The following RIMS2 variants were observed in gnomAD, a reference collection of about 807,000 sequenced individuals.
RIMS2 encodes the protein regulating synaptic membrane exocytosis 2, also known as regulating synaptic membrane exocytosis protein 2.
A neutral mutation model predicts 174.4 loss-of-function variants in RIMS2; 59 were observed. The observed-to-expected ratio is 0.34, with a 90% CI of 0.27 to 0.42. The LOEUF (loss-of-function observed/expected upper bound fraction) is 0.42, where lower values mean the gene tolerates loss of function less well. Among genes scored for constraint, RIMS2 ranks in the 10% least tolerant of loss-of-function variants. RIMS2 has a pLI of 1.00. For synonymous variants in RIMS2, 606 were observed against 572.5 expected (o/e 1.06, Z -0.84); for missense variants, 1,620 against 1,666.3 (o/e 0.97, Z 0.48).
intron 19 of RIMS2, among the ~76,000 whole-genome samples, chr8:104,242,160 CCTT>C (rs1288460753): frequency 6.6e-6 from 1 of 151,970 alleles, no homozygotes; most frequent in Non-Finnish European, 1.5e-5. Context: ...TTTCATTTCT[CCTT>C]AACATTCTCC....
At chr8:103,804,411 G>T (rs956586946) in intron 3 of RIMS2, among the ~76,000 whole-genome samples, 3 of 152,182 alleles carry the variant, frequency 2.0e-5, no homozygotes, top group African/African-American at 7.2e-5. Flanking sequence ...TAAATTTTCC[G>T]TAGTCTCCTC....
intron 17 of RIMS2, among the ~76,000 whole-genome samples, chr8:104,009,153 T>A (rs900922315): frequency 6.6e-6 from 1 of 151,960 alleles, no homozygotes; most frequent in Non-Finnish European, 1.5e-5. Context: ...ATATGCTATA[T>A]TAATTATTCT....
chr8:103,746,287 A>G (rs1444680408), intron 2 of RIMS2, among the ~76,000 whole-genome samples: 1 of 152,156 alleles, frequency 6.6e-6, no homozygotes, highest in East Asian at 1.9e-4. Context: ...TCTCAATTCT[A>G]TTCCCTTGAC....
intron 19 of RIMS2, among the ~76,000 whole-genome samples, chr8:104,237,318 C>G (rs2099263796): frequency 6.6e-6 from 1 of 152,120 alleles, no homozygotes; most frequent in Non-Finnish European, 1.5e-5. Context: ...TAACAAACAA[C>G]TAAAAATATT....
chr8:103,883,425 A>G (rs566532726), intron 3 of RIMS2, among the ~76,000 whole-genome samples: 6 of 151,790 alleles, frequency 4.0e-5, no homozygotes, highest in Non-Finnish European at 8.8e-5. Context: ...TGCACAGTGC[A>G]CACACACATA....
At chr8:103,513,085 T>C (rs1457608709) in intron 1 of RIMS2, among the ~76,000 whole-genome samples, 2 of 152,210 alleles carry the variant, frequency 1.3e-5, no homozygotes, top group Admixed American at 6.5e-5. Flanking sequence ...GATGTATGCA[T>C]AGTCCTTGAA....
intron 1 of RIMS2, among the ~76,000 whole-genome samples, chr8:103,603,080 C>G (rs1444908142): frequency 6.6e-6 from 1 of 151,486 alleles, no homozygotes; most frequent in Non-Finnish European, 1.5e-5. Flanking sequence ...ATGTGCCATG[C>G]TGGTGCACTG....
intron 16 of RIMS2, among the ~76,000 whole-genome samples, chr8:103,982,289 G>A (rs188678275): frequency 4.3e-4 from 65 of 151,980 alleles, no homozygotes; most frequent in African/African-American, 1.5e-3. Context: ...GAACCCAATG[G>A]CTTCAATGCT....
At chr8:104,139,036 T>C (rs182832171) in intron 19 of RIMS2, among the ~76,000 whole-genome samples, 3 of 152,308 alleles carry the variant, frequency 2.0e-5, no homozygotes, top group East Asian at 1.9e-4. Context: ...CTAACCTCAA[T>C]GTATGTTCTT....
At chr8:103,739,321 T>C (rs948560768) in intron 2 of RIMS2, among the ~76,000 whole-genome samples, 2 of 152,010 alleles carry the variant, frequency 1.3e-5, no homozygotes, top group African/African-American at 2.4e-5. Flanking sequence ...TAGATGGGAA[T>C]TGAACAATGA....
chr8:104,055,541 C>G (rs891976973), intron 19 of RIMS2, among the ~76,000 whole-genome samples: 5 of 152,084 alleles, frequency 3.3e-5, no homozygotes, highest in African/African-American at 1.2e-4. Context: ...TTCTTAGAAG[C>G]AATTTCAATA....
At chr8:103,532,844 TAAA>T (rs1586941793) in intron 1 of RIMS2, among the ~76,000 whole-genome samples, 2 of 151,714 alleles carry the variant, frequency 1.3e-5, no homozygotes, top group East Asian at 3.9e-4. Context: ...TGTCAAATAA[TAAA>T]AGAAGAGAAA....
intron 2 of RIMS2, among the ~76,000 whole-genome samples, chr8:103,752,044 G>A (rs1325170243): frequency 6.6e-6 from 1 of 152,178 alleles, no homozygotes; most frequent in Non-Finnish European, 1.5e-5. Context: ...GTCCTGAATG[G>A]TAATGCCTAG....
chr8:103,525,551 G>A (rs937822078), intron 1 of RIMS2, among the ~76,000 whole-genome samples: 1 of 152,148 alleles, frequency 6.6e-6, no homozygotes, highest in Non-Finnish European at 1.5e-5. Flanking sequence ...ACAGAGGAGG[G>A]TATGGCACCT....
At chr8:104,048,095 A>T (rs889892146) in intron 19 of RIMS2, among the ~76,000 whole-genome samples, 1 of 152,194 alleles carries the variant, frequency 6.6e-6, no homozygotes, top group Non-Finnish European at 1.5e-5. Context: ...AAGAGGAAGA[A>T]TCCTGAGTAC....
intron 2 of RIMS2, among the ~76,000 whole-genome samples, chr8:103,754,359 A>G (rs1445088903): frequency 6.6e-6 from 1 of 152,204 alleles, no homozygotes; most frequent in African/African-American, 2.4e-5. Flanking sequence ...CGATGTGGTC[A>G]GTTTTAGAAT....
At chr8:104,010,640 A>G (rs1032677101) in intron 17 of RIMS2, among the ~76,000 whole-genome samples, 2 of 152,200 alleles carry the variant, frequency 1.3e-5, no homozygotes, top group African/African-American at 4.8e-5. Context: ...TCAAGTACAA[A>G]AAAAAGAACT....
chr8:104,174,281 T>C (rs1353465734), intron 19 of RIMS2, among the ~76,000 whole-genome samples: 2 of 152,098 alleles, frequency 1.3e-5, no homozygotes, highest in Non-Finnish European at 2.9e-5. Flanking sequence ...TAAAGAAGTT[T>C]AGGAAAAGGA....
At chr8:103,525,129 T>C (rs1006449564) in intron 1 of RIMS2, among the ~76,000 whole-genome samples, 4 of 152,200 alleles carry the variant, frequency 2.6e-5, no homozygotes, top group Non-Finnish European at 5.9e-5. Context: ...TTAATCATAA[T>C]AAGAAGAAAG....
Sources: gnomAD v4.1 joint callset for allele counts (sites outside exome capture counted in the v4.1 genomes callset) on GRCh38, gnomAD v4.1.1 for gene constraint, MANE v1.5 for transcripts, NCBI Gene and HGNC (gene_info 2026-07-23, HGNC 2026-07-21) for gene names.